Variants in MAP3K13 observed in about 807,000 individuals in gnomAD.
The protein encoded by MAP3K13 is leucine zipper-bearing kinase.
In MAP3K13, 52 loss-of-function variants were observed where a neutral mutation model predicts 104.0. The observed-to-expected ratio is 0.50, with a 90% CI of 0.40 to 0.63. The LOEUF (loss-of-function observed/expected upper bound fraction) is 0.63. MAP3K13 is among the 20% of genes least tolerant of loss of function. MAP3K13 has a pLI of 0.00. For synonymous variants in MAP3K13, 394 were observed against 442.2 expected (o/e 0.89, Z 1.37); for missense variants, 914 against 1,218.5 (o/e 0.75, Z 3.72).
At chr3:185,300,026 G>C (rs1274475667) in intron 2 of MAP3K13, among the ~76,000 whole-genome samples, 2 of 152,078 alleles carry the variant, frequency 1.3e-5, no homozygotes, top group Non-Finnish European at 2.9e-5. Context: ...CATTCTACTA[G>C]TAGCACCATT....
chr3:185,453,279 T>C (rs1715993898), intron 7 of MAP3K13, among the ~76,000 whole-genome samples: 2 of 152,204 alleles, frequency 1.3e-5, no homozygotes, highest in African/African-American at 4.8e-5. Context: ...TTAATGTTAT[T>C]GTGCTTCAGA....
chr3:185,379,957 G>A (rs181881262), intron 1 of MAP3K13, among the ~76,000 whole-genome samples: 8 of 151,962 alleles, frequency 5.3e-5, no homozygotes, highest in Admixed American at 1.3e-4. Context: ...GGGCCGAGGC[G>A]GGTGGATCAC....
At chr3:185,424,562 C>T (rs1206684501) in intron 1 of MAP3K13, among the ~76,000 whole-genome samples, 1 of 152,168 alleles carries the variant, frequency 6.6e-6, no homozygotes, top group African/African-American at 2.4e-5. Flanking sequence ...TATTTAGAAA[C>T]TTTGCAAGCA....
At chr3:185,469,845 A>G (rs995435777) in intron 10 of MAP3K13, among the ~76,000 whole-genome samples, 9 of 152,200 alleles carry the variant, frequency 5.9e-5, no homozygotes, top group African/African-American at 2.2e-4. Context: ...CCTTCAATAA[A>G]CCAGATTGAA....
At chr3:185,396,436 T>G (rs373093835) in intron 1 of MAP3K13, among the ~76,000 whole-genome samples, 92 of 152,242 alleles carry the variant, frequency 6.0e-4, no homozygotes, top group African/African-American at 2.0e-3. Flanking sequence ...TAAAAGCATT[T>G]GAAGGAGTTG....
At chr3:185,457,065 C>T (rs904876980) in intron 7 of MAP3K13, among the ~76,000 whole-genome samples, 2 of 152,172 alleles carry the variant, frequency 1.3e-5, no homozygotes, top group African/African-American at 2.4e-5. Flanking sequence ...TAAAACGTCA[C>T]TTCTGAAGCC....
In MAP3K13 at chr3:185,315,378, A is replaced by AAC. The variant is rs1307109700; in HGVS notation, c.-86+29737_-86+29738dup. ...GAGAGAATGTATGTGTGTATGTCTT[A>AAC]ACAAAAACAGATTGCTGGGTTCTAC... On this transcript the variant is annotated intron_variant, in intron 2 of 14. Coordinates refer to the MAP3K13 transcript ENST00000424227. The surrounding 1 kb of genome is among the most constrained non-coding windows in gnomAD (Gnocchi z 4.3). Among the ~76,000 whole-genome samples the AAC allele has an allele frequency of 6.6e-6, 1 of 152,212 alleles. No homozygotes were observed. The highest frequency in any genetic ancestry group is 1.5e-5 in the Non-Finnish European group (1 of 68,034).
chr3:185,304,649 T>G (rs1283589998), intron 2 of MAP3K13, among the ~76,000 whole-genome samples: 2 of 152,202 alleles, frequency 1.3e-5, no homozygotes, highest in African/African-American at 4.8e-5. Flanking sequence ...TTCTCTTTTT[T>G]TTGAGACAGA....
chr3:185,316,470 G>A (rs976710852), intron 2 of MAP3K13, among the ~76,000 whole-genome samples: 21 of 152,078 alleles, frequency 1.4e-4, no homozygotes, highest in African/African-American at 5.1e-4. Flanking sequence ...GCGAAACCCC[G>A]TCTCTACAAA....
chr3:185,483,348 A>G lies in MAP3K13; in HGVS notation c.*892A>G, dbSNP rs1483295372. ...TTGACCCAACGTGTTGATCTTTCAT[A>G]CTCAAGTGCCATTTCCTTGTAGCTC... On this transcript the variant is annotated 3_prime_UTR_variant, in exon 14 of 14. Transcript: ENST00000265026. 4.3e-6 allele frequency: 1 copy of G among 231,640 alleles called. No individual in the cohort carries two copies. The highest frequency in any genetic ancestry group is 6.1e-5 in the East Asian group (1 of 16,404). 14.3% of individuals were successfully genotyped at this position (231,640 alleles called of 1,614,324 possible). A position where few individuals can be genotyped will look rare whatever the true frequency, so the allele number is the denominator to read the frequency against.
At chr3:185,322,036 C>T (rs1168448365) in intron 2 of MAP3K13, among the ~76,000 whole-genome samples, 1 of 152,186 alleles carries the variant, frequency 6.6e-6, no homozygotes, top group Non-Finnish European at 1.5e-5. Flanking sequence ...AGGAAGATGA[C>T]CTCCTGTAAG....
At chr3:185,346,198 T>G (rs1277607518) in intron 2 of MAP3K13, among the ~76,000 whole-genome samples, 1 of 152,208 alleles carries the variant, frequency 6.6e-6, no homozygotes, top group Non-Finnish European at 1.5e-5. Flanking sequence ...AAAGTTAAAA[T>G]AATTTGGTTA....
chr3:185,355,991 G>A (rs1723336476), intron 2 of MAP3K13, among the ~76,000 whole-genome samples: 1 of 152,140 alleles, frequency 6.6e-6, no homozygotes, highest in South Asian at 2.1e-4. Context: ...ACCTTGCCCA[G>A]GGCTTCAGAA....
intron 2 of MAP3K13, among the ~76,000 whole-genome samples, chr3:185,323,277 CTG>C: frequency 1.3e-5 from 2 of 150,760 alleles, no homozygotes; most frequent in Middle Eastern, 7.0e-3. Context: ...TTTTCCATGA[CTG>C]TAGTTTTTCT....
chr3:185,394,933 G>A (rs1361281650), intron 1 of MAP3K13, among the ~76,000 whole-genome samples: 1 of 152,106 alleles, frequency 6.6e-6, no homozygotes, highest in Non-Finnish European at 1.5e-5. Flanking sequence ...AAGACTAAAT[G>A]AGATAAACTA....
At chr3:185,435,432 G>A (rs954719845) in intron 2 of MAP3K13, among the ~76,000 whole-genome samples, 2 of 152,178 alleles carry the variant, frequency 1.3e-5, no homozygotes, top group East Asian at 3.8e-4. Flanking sequence ...GAGATTTCAT[G>A]AGCCACTTAT....
In MAP3K13 at chr3:185,447,851, G is replaced by A. The variant is rs767950224; in HGVS notation, c.914G>A (p.Ser305Asn). The A allele has an allele frequency of 2.5e-6, 4 of 1,613,990 alleles. No homozygotes were observed. ...GATTTTGGTACATCTAAGGAACTCA[G>A]TGACAAAAGTACCAAGATGTCATTT... is the stretch of plus-strand genomic sequence containing the variant. ...ISDFGTSKELSDKSTKMSFAG... is the reference protein window; with the variant it reads ...ISDFGTSKELNDKSTKMSFAG... Residue 305 changes from serine to asparagine, a missense_variant, in exon 5 of 14, where the codon AGT becomes AAT. By Grantham distance (46) the Ser-to-Asn change is conservative. This residue lies in a region of MAP3K13 where 175 missense variants were observed against 321.3 expected (regional missense o/e 0.54). Transcript: ENST00000265026.
chr3:185,300,466 G>T (rs537124385), intron 2 of MAP3K13, among the ~76,000 whole-genome samples: 1 of 150,990 alleles, frequency 6.6e-6, no homozygotes, highest in Non-Finnish European at 1.5e-5. Context: ...GAGCCACCAC[G>T]CCCGGCCCTA....
At chr3:185,347,348 T>G (rs1577448961) in intron 2 of MAP3K13, among the ~76,000 whole-genome samples, 2 of 152,198 alleles carry the variant, frequency 1.3e-5, no homozygotes, top group South Asian at 4.1e-4. Context: ...TATATCAAGG[T>G]GTAGCTTTAC....
Sources: gnomAD v4.1 joint callset for allele counts (sites outside exome capture counted in the v4.1 genomes callset) on GRCh38, gnomAD v4.1.1 for gene constraint, gnomAD v4.1.1 regional missense constraint, Gnocchi (gnomAD v3.1) non-coding constraint, MANE v1.5 for transcripts, NCBI Gene and HGNC (gene_info 2026-07-23, HGNC 2026-07-21) for gene names.